The following CBLC variants were observed in gnomAD, a reference collection of about 807,000 sequenced individuals.
The protein encoded by CBLC is Cbl proto-oncogene C, also known as E3 ubiquitin-protein ligase CBL-C.
Under a neutral mutation model 58.6 loss-of-function variants are expected in CBLC, and 46 were observed. The ratio of observed to expected loss-of-function variants is 0.79; its 90% CI spans 0.62 to 1.00. CBLC has a LOEUF of 1.00. CBLC is among the 50% of genes least tolerant of loss of function. The pLI is 0.00. For missense variants in CBLC, 655 were observed against 625.8 expected, an observed-to-expected ratio of 1.05 and a Z score of -0.50; for synonymous variants, 271 against 264.2, an observed-to-expected ratio of 1.03 and a Z score of -0.25.
chr19:44,798,810 C>T (rs967673525), intron 9 of CBLC, among the ~76,000 whole-genome samples: 11 of 152,148 alleles, frequency 7.2e-5, no homozygotes, highest in Non-Finnish European at 1.3e-4. Context: ...AAGTCCTCTC[C>T]GCCGCCCAAA....
chr19:44,790,624 T>G (rs1298957735), intron 6 of CBLC, among the ~76,000 whole-genome samples: 1 of 151,826 alleles, frequency 6.6e-6, no homozygotes, highest in Non-Finnish European at 1.5e-5. Flanking sequence ...TCTGTAGAGA[T>G]GGGGTTTCGC....
chr19:44,785,554 AG>A (rs1967880270), intron 5 of CBLC, among the ~76,000 whole-genome samples: 1 of 142,444 alleles, frequency 7.0e-6, no homozygotes, highest in Admixed American at 6.9e-5. Context: ...ATAGATAGAT[AG>A]ATAGATAGAT....
chr19:44,784,315 T>C lies in CBLC; in HGVS notation c.831T>C (p.Tyr277=). The C allele has an allele frequency of 6.2e-7, 1 of 1,601,002 alleles. No individual in the cohort carries two copies. The highest frequency in any genetic ancestry group is 8.6e-7 in the Non-Finnish European group (1 of 1,169,468). The part of the protein sequence containing the change: ...CTRLGQWAIG[Y]VSSDGSILQT... ...GCCTGGGGCAGTGGGCCATCGGCTA[T>C]GTGAGCTCAGATGGCAGCATCCTGC... Residue 277 remains tyrosine (Y), a synonymous_variant, in exon 5 of 11, where the codon TAT becomes TAC. Coordinates refer to ENST00000647358, the MANE Select transcript of CBLC (RefSeq NM_012116.4).
At chr19:44,793,154 T>TA (rs1968097158) in intron 7 of CBLC, among the ~76,000 whole-genome samples, 2 of 151,854 alleles carry the variant, frequency 1.3e-5, no homozygotes, top group Non-Finnish European at 2.9e-5. Context: ...TCCGTTTTTT[T>TA]AAAAAACAAC....
At chr19:44,798,718 G>A (rs866892748) in intron 9 of CBLC, among the ~76,000 whole-genome samples, 56 of 151,908 alleles carry the variant, frequency 3.7e-4, no homozygotes, top group African/African-American at 1.3e-3. Context: ...CCTGGGCGAC[G>A]GTGCAAAAAC....
At chr19:44,794,439 T>C (rs959383821) in intron 9 of CBLC, among the ~76,000 whole-genome samples, 158 bp downstream of exon 9, 1 of 150,962 alleles carries the variant, frequency 6.6e-6, no homozygotes, top group Non-Finnish European at 1.5e-5. Flanking sequence ...CTTGTTTTCA[T>C]TCCCCCTCTG....
chr19:44,779,138 A>G (rs1967656903), intron 1 of CBLC, among the ~76,000 whole-genome samples: 1 of 152,196 alleles, frequency 6.6e-6, no homozygotes, highest in Non-Finnish European at 1.5e-5. Flanking sequence ...TCTCTGATTC[A>G]AAGTTTTCTA....
chr19:44,799,190 G>C (rs1208132726), intron 9 of CBLC, among the ~76,000 whole-genome samples: 2 of 152,076 alleles, frequency 1.3e-5, no homozygotes, highest in Non-Finnish European at 2.9e-5. Flanking sequence ...ACAGGGCCTT[G>C]GCCTGGCGCG....
rs1245973367 is a variant in CBLC at position 44,800,451 on chromosome 19, G to C, written c.*7+1G>C. 1 of 1,606,976 alleles carries C rather than the reference G, an allele frequency of 6.2e-7. No individual in the cohort carries two copies. Among genetic ancestry groups the C allele is most frequent in the South Asian group, 1.1e-5 (1 of 90,858 alleles). On this transcript the variant is annotated splice_donor_variant, in intron 10 of 10. Coordinates refer to ENST00000647358, the MANE Select transcript of CBLC (RefSeq NM_012116.4). LOFTEE classifies it low-confidence loss of function (3UTR_SPLICE). The stretch of plus-strand genomic sequence containing the variant: ...GACCCTGCCCCGGCCTGAAGGCCAG[G>C]TGAGTCCATTCCCTAACCCTCCCTG...
At chr19:44,800,312 G>A in intron 9 of CBLC, 69 bp from the exon 10 acceptor site, 3 of 1,125,738 alleles carry the variant, frequency 2.7e-6, no homozygotes, top group Non-Finnish European at 2.7e-6. Flanking sequence ...AAAGGGGACA[G>A]GGAAGAGGGG....
intron 9 of CBLC, among the ~76,000 whole-genome samples, chr19:44,798,154 G>GA (rs764385841): frequency 3.4e-5 from 5 of 149,098 alleles, no homozygotes; most frequent in Non-Finnish European, 5.9e-5. Flanking sequence ...TTTTCATGGG[G>GA]AAAATGGGGA....
At chr19:44,794,526 G>T (rs565271079) in intron 9 of CBLC, among the ~76,000 whole-genome samples, 4 of 143,414 alleles carry the variant, frequency 2.8e-5, no homozygotes, top group Admixed American at 2.2e-4. Context: ...GTGCAGTGGC[G>T]CAATCTTGGC....
intron 5 of CBLC, among the ~76,000 whole-genome samples, chr19:44,784,907 A>G (rs1967848008): frequency 8.0e-6 from 1 of 125,258 alleles, no homozygotes; most frequent in African/African-American, 2.9e-5. Context: ...TAGAATCTAG[A>G]TTGATGGGGC....
intron 5 of CBLC, among the ~76,000 whole-genome samples, chr19:44,784,969 T>TTG (rs1967857163): frequency 8.7e-6 from 1 of 115,544 alleles, no homozygotes; most frequent in South Asian, 3.6e-4. Context: ...TTTTTTTTTT[T>TTG]TTTTTTTTTT....
chr19:44,791,783 G>T (rs1165544040), intron 6 of CBLC, among the ~76,000 whole-genome samples: 4 of 150,896 alleles, frequency 2.7e-5, no homozygotes, highest in Non-Finnish European at 5.9e-5. Flanking sequence ...CATTGGACAT[G>T]CCAGCCTTGG....
intron 9 of CBLC, among the ~76,000 whole-genome samples, chr19:44,796,105 C>T (rs908053320): frequency 1.3e-5 from 2 of 151,922 alleles, no homozygotes; most frequent in African/African-American, 2.4e-5. Flanking sequence ...ATCCCAGCTA[C>T]TTGGAAGACT....
In CBLC at chr19:44,800,435, C is replaced by G. The variant is rs1418606115; in HGVS notation, c.1417C>G (p.Pro473Ala). 5 of 1,612,372 alleles carry G rather than the reference C, an allele frequency of 3.1e-6. No individual in the cohort carries two copies. The highest frequency in any genetic ancestry group is 3.3e-5 in the Admixed American group (2 of 59,996). The change falls in exon 10 of 11, where the codon CCG (proline) becomes GCG (alanine). Residue 473 changes from proline to alanine, a missense_variant. Coordinates refer to ENST00000647358, the MANE Select transcript of CBLC (RefSeq NM_012116.4). ...PAALGPQDPA[P>A]A ...TGCGCTGGGACCCCAGGACCCTGCC[C>G]CGGCCTGAAGGCCAGGTGAGTCCAT...
Position 44,781,269 on chromosome 19 carries a change from G to C in CBLC, c.563G>C (p.Gly188Ala), listed in dbSNP as rs770003480. 3.1e-6 allele frequency: 5 copies of C among 1,613,670 alleles called. 1 individual carries two copies. Residue 188 changes from glycine to alanine, a missense_variant, in exon 3 of 11, where the codon GGC becomes GCC. By Grantham distance (60) the Gly-to-Ala change is moderately conservative. Around this residue, in one of 3 missense-constraint regions of CBLC, gnomAD observed 371 missense variants for 370.8 expected, o/e 1.00. Coordinates refer to ENST00000647358, the MANE Select transcript of CBLC (RefSeq NM_012116.4). ...GGCACCTGCCACCCTGTGGAACCAGGCTGCACAGCCCTGGCCTTGCGCACC... is the reference window on the plus strand; with the variant it reads ...GGCACCTGCCACCCTGTGGAACCAGCCTGCACAGCCCTGGCCTTGCGCACC... Reference protein sequence around the residue: ...LLGTCHPVEPGCTALALRTTI... With the variant: ...LLGTCHPVEPACTALALRTTI...
At chr19:44,796,141 G>T (rs893110387) in intron 9 of CBLC, among the ~76,000 whole-genome samples, 2 of 152,050 alleles carry the variant, frequency 1.3e-5, no homozygotes, top group African/African-American at 4.8e-5. Flanking sequence ...CTTGAACCCG[G>T]GAGGTGGAGG....
Sources: allele counts gnomAD v4.1 joint callset (sites outside exome capture counted in the v4.1 genomes callset), GRCh38; gene constraint gnomAD v4.1.1; regional missense constraint gnomAD v4.1.1; transcripts MANE v1.5; gene names NCBI Gene and HGNC (gene_info 2026-07-23, HGNC 2026-07-21).